SLC9A4: variants seen among roughly 807,000 people sequenced by gnomAD.
SLC9A4 encodes the protein sodium/hydrogen exchanger 4.
Under a neutral mutation model 67.4 loss-of-function variants are expected in SLC9A4, and 63 were observed. The observed-to-expected ratio is 0.93, with a 90% CI of 0.76 to 1.15. The LOEUF (loss-of-function observed/expected upper bound fraction) is 1.15. Ranked by LOEUF, SLC9A4 falls within the 50% of genes most tolerant of loss-of-function variation. The pLI, the probability that SLC9A4 is intolerant of heterozygous loss-of-function variation, is 0.00. For missense variants in SLC9A4, 1,089 were observed against 987.7 expected (o/e 1.10, Z -1.38); for synonymous variants, 393 against 367.2 (o/e 1.07, Z -0.80).
At chr2:102,505,127 A>G in intron 3 of SLC9A4, 127 bp from the exon 4 acceptor site, 1 of 795,502 alleles carries the variant, frequency 1.3e-6, no homozygotes, top group South Asian at 1.8e-5. Flanking sequence ...CAGCCACAGA[A>G]GGGAATAAGG....
At chr2:102,507,327 T>A (rs1245338115) in intron 4 of SLC9A4, among the ~76,000 whole-genome samples, 1 of 152,246 alleles carries the variant, frequency 6.6e-6, no homozygotes, top group African/African-American at 2.4e-5. Flanking sequence ...TTCTACGAAG[T>A]GAAACTCTTC....
chr2:102,510,722 G>C (rs967737120), intron 6 of SLC9A4, among the ~76,000 whole-genome samples: 1 of 152,132 alleles, frequency 6.6e-6, no homozygotes, highest in Non-Finnish European at 1.5e-5. Context: ...TGAAATATGG[G>C]GTCCTCTGCC....
Position 102,508,060 on chromosome 2 carries a change from C to A in SLC9A4, c.1199-19C>A, listed in dbSNP as rs1398873247. On this transcript the variant is annotated intron_variant, in intron 4 of 11. Coordinates refer to ENST00000295269, the MANE Select transcript of SLC9A4 (RefSeq NM_001011552.4). ...TCGTTCATGATCCTCTGCTCTAATACACGTTTCCCCCTTTCTAGGCGTATT... is the reference window on the plus strand; with the variant it reads ...TCGTTCATGATCCTCTGCTCTAATAAACGTTTCCCCCTTTCTAGGCGTATT... The A allele has an allele frequency of 2.5e-6, 4 of 1,611,346 alleles. No homozygotes were observed. The African/African-American group carries it at 4.0e-5, about 16-fold the overall frequency.
chr2:102,502,944 G>T (rs1016325229), intron 2 of SLC9A4, among the ~76,000 whole-genome samples: 2 of 152,238 alleles, frequency 1.3e-5, no homozygotes, highest in Non-Finnish European at 1.5e-5. Context: ...CACTTTCAGA[G>T]CCTGTGGCTC....
At chr2:102,480,213 T>C (rs1384143352) in intron 2 of SLC9A4, among the ~76,000 whole-genome samples, 1 of 152,194 alleles carries the variant, frequency 6.6e-6, no homozygotes, top group Non-Finnish European at 1.5e-5. Flanking sequence ...TTTTATCAGC[T>C]TGACCTTTTC....
intron 2 of SLC9A4, among the ~76,000 whole-genome samples, chr2:102,484,652 G>T (rs1479116009): frequency 6.6e-6 from 1 of 152,110 alleles, no homozygotes; most frequent in African/African-American, 2.4e-5. Context: ...ATGGGAGGGC[G>T]GATTGTTCTT....
At chr2:102,491,848 C>T (rs1249582821) in intron 2 of SLC9A4, among the ~76,000 whole-genome samples, 2 of 152,196 alleles carry the variant, frequency 1.3e-5, no homozygotes, top group Non-Finnish European at 2.9e-5. Flanking sequence ...GTCCCTCCCA[C>T]CTATGACCCT....
At position 102,479,238 on chromosome 2, in the gene SLC9A4, G is replaced by A; in HGVS notation, c.656G>A (p.Arg219His). 1 of 1,614,098 alleles carries A rather than the reference G, an allele frequency of 6.2e-7. No individual in the cohort carries two copies. The highest frequency in any genetic ancestry group is 1.1e-5 in the South Asian group (1 of 91,076). The change falls in exon 2 of 12, where the codon CGC becomes CAC. Residue 219 changes from arginine (R) to histidine (H), a missense_variant. Transcript: ENST00000295269. ...GTGCTAGCCGTGTTTGAGGAAGCGC[G>A]CGTGAACGAGCAGCTCTACATGATG... ...VAVLAVFEEARVNEQLYMMIF... is the reference protein window; with the variant it reads ...VAVLAVFEEAHVNEQLYMMIF...
chr2:102,488,548 CTTTTTTTTTT>C (rs5833020), intron 2 of SLC9A4, among the ~76,000 whole-genome samples: 2 of 124,016 alleles, frequency 1.6e-5, no homozygotes, highest in African/African-American at 6.6e-5. Context: ...AATCTAATTC[CTTTTTTTTTT>C]TTTTTTTTGA....
chr2:102,525,771 G>T (rs1042994260), intron 10 of SLC9A4, among the ~76,000 whole-genome samples: 3 of 152,108 alleles, frequency 2.0e-5, no homozygotes, highest in Admixed American at 2.0e-4. Context: ...TATCATGAGA[G>T]GGGAAGGAAA....
At chr2:102,511,557 T>C (rs1285272785) in intron 6 of SLC9A4, among the ~76,000 whole-genome samples, 1 of 152,020 alleles carries the variant, frequency 6.6e-6, no homozygotes, top group Non-Finnish European at 1.5e-5. Flanking sequence ...TAATTTCAAA[T>C]TTAAAATATT....
rs982999533 is a variant in SLC9A4 at position 102,505,608 on chromosome 2, C to A, written c.1198+137C>A. On this transcript the variant is annotated intron_variant, in intron 4 of 11. Transcript: ENST00000295269. ...GGTTAGGGTAGACTAGGAACCTGGT[C>A]GTGAGCAGGAATCTTTTCTGTTTGT... 2.0e-5 allele frequency: 15 copies of A among 748,036 alleles called. No individual in the cohort carries two copies. In the African/African-American group the frequency reaches 2.1e-4, roughly 11 times the overall value. 46.3% of individuals were successfully genotyped at this position (748,036 alleles called of 1,614,324 possible). A position where few individuals can be genotyped will look rare whatever the true frequency, so the allele number is the denominator to read the frequency against.
At position 102,479,176 on chromosome 2, in the gene SLC9A4, G is replaced by A. The variant is rs1346814309; in HGVS notation, c.594G>A (p.Leu198=). 2 of 1,614,174 alleles carry A rather than the reference G, an allele frequency of 1.2e-6. No individual in the cohort carries two copies. Among genetic ancestry groups the A allele is most frequent in the Non-Finnish European group, 8.5e-7 (1 of 1,180,018 alleles). ...ACGTCAACCTGCTGCAGAACCTGCT[G>A]TTCGGCAGCCTGATCTCCGCCGTGG... ...LGDVNLLQNL[L]FGSLISAVDP... Residue 198 remains leucine, a synonymous_variant, in exon 2 of 12, where the codon CTG becomes CTA. Transcript: ENST00000295269.
At chr2:102,523,308 A>C (rs1175008774) in intron 9 of SLC9A4, among the ~76,000 whole-genome samples, 1 of 152,084 alleles carries the variant, frequency 6.6e-6, no homozygotes, top group Non-Finnish European at 1.5e-5. Flanking sequence ...ATTTTTATAC[A>C]ATTATCTATT....
In SLC9A4 at chr2:102,508,826, G is replaced by T. The variant is rs547416976; in HGVS notation, c.1402-21G>T. On this transcript the variant is annotated intron_variant, in intron 5 of 11. Transcript: ENST00000295269. ...AGTCTTCATTACAACAAAACCCTTTGTTTTGTTATTTCTGATCTAGGGAAT... is the reference window on the plus strand; with the variant it reads ...AGTCTTCATTACAACAAAACCCTTTTTTTTGTTATTTCTGATCTAGGGAAT... The T allele has an allele frequency of 3.8e-6, 6 of 1,593,406 alleles. No individual in the cohort carries two copies. The African/African-American group carries it at 8.2e-5, about 22-fold the overall frequency.
At chr2:102,495,421 A>G (rs1684787143) in intron 2 of SLC9A4, among the ~76,000 whole-genome samples, 2 of 152,126 alleles carry the variant, frequency 1.3e-5, no homozygotes, top group South Asian at 4.1e-4. Flanking sequence ...AACATTTTTA[A>G]GGAATCAGTT....
intron 1 of SLC9A4, among the ~76,000 whole-genome samples, chr2:102,475,811 T>C (rs13018263): frequency 0.24 from 36,987 of 152,076 alleles, 4,815 homozygotes; most frequent in African/African-American, 0.32. Context: ...CTGGTAGTTT[T>C]ATGTATAAGG....
At chr2:102,501,930 G>T (rs1684949298) in intron 2 of SLC9A4, among the ~76,000 whole-genome samples, 2 of 152,046 alleles carry the variant, frequency 1.3e-5, no homozygotes. Context: ...GAGGGGCAAT[G>T]AGAGCCAACT....
intron 3 of SLC9A4, among the ~76,000 whole-genome samples, chr2:102,504,373 G>T (rs539482605): frequency 6.6e-6 from 1 of 152,318 alleles, no homozygotes; most frequent in African/African-American, 2.4e-5. Context: ...ACATTCCTGG[G>T]CTCTGCCTTC....
Sources: gnomAD v4.1 joint callset for allele counts (sites outside exome capture counted in the v4.1 genomes callset) on GRCh38, gnomAD v4.1.1 for gene constraint, MANE v1.5 for transcripts, NCBI Gene and HGNC (gene_info 2026-07-23, HGNC 2026-07-21) for gene names.